SPIDR: variants seen among roughly 807,000 people sequenced by gnomAD.
SPIDR encodes the protein DNA repair-scaffolding protein.
A neutral mutation model predicts 104.6 loss-of-function variants in SPIDR; 93 were observed. The observed-to-expected ratio is 0.89, with a 90% CI of 0.75 to 1.06. The LOEUF is 1.06. Among genes scored for constraint, SPIDR ranks in the 50% least tolerant of loss-of-function variants. The pLI is 0.00. For missense variants in SPIDR, 1,154 were observed against 1,111.2 expected (o/e 1.04, Z -0.55); for synonymous variants, 431 against 416.9 (o/e 1.03, Z -0.41).
At chr8:47,310,014 G>A (rs587643033) in intron 5 of SPIDR, among the ~76,000 whole-genome samples, 66 of 149,632 alleles carry the variant, frequency 4.4e-4, no homozygotes, top group African/African-American at 1.6e-3. Flanking sequence ...ACTCCAGCCT[G>A]GGCGACAGAC....
intron 10 of SPIDR, among the ~76,000 whole-genome samples, chr8:47,671,223 A>G (rs1349190841): frequency 6.6e-6 from 1 of 152,100 alleles, no homozygotes; most frequent in Non-Finnish European, 1.5e-5. Flanking sequence ...AAATCATTTT[A>G]GTAATTAGTA....
chr8:47,512,755 T>G (rs1053199082), intron 8 of SPIDR, among the ~76,000 whole-genome samples: 1 of 152,208 alleles, frequency 6.6e-6, no homozygotes, highest in African/African-American at 2.4e-5. Flanking sequence ...AAAGGACAGT[T>G]TATAATCAAA....
At chr8:47,626,390 G>A (rs1216021442) in intron 10 of SPIDR, among the ~76,000 whole-genome samples, 4 of 152,136 alleles carry the variant, frequency 2.6e-5, no homozygotes, top group Non-Finnish European at 5.9e-5. Flanking sequence ...TAACAAATGG[G>A]ATCTAATTAA....
At chr8:47,640,189 A>G (rs1485913222) in intron 10 of SPIDR, among the ~76,000 whole-genome samples, 1 of 152,162 alleles carries the variant, frequency 6.6e-6, no homozygotes, top group Non-Finnish European at 1.5e-5. Context: ...CTGCAGAGCT[A>G]TTGGCCAACA....
chr8:47,595,354 G>A (rs1740633978), intron 8 of SPIDR, among the ~76,000 whole-genome samples: 1 of 152,156 alleles, frequency 6.6e-6, no homozygotes, highest in African/African-American at 2.4e-5. Context: ...TAAATGTGAG[G>A]TATTCAGCAA....
At chr8:47,432,387 G>C (rs773137743) in intron 7 of SPIDR, among the ~76,000 whole-genome samples, 1 of 152,180 alleles carries the variant, frequency 6.6e-6, no homozygotes, top group Non-Finnish European at 1.5e-5. Flanking sequence ...GTGCAGTTGA[G>C]ATGAAGGGGA....
chr8:47,522,172 C>CAAA (rs781613495), intron 8 of SPIDR, among the ~76,000 whole-genome samples: 1 of 65,630 alleles, frequency 1.5e-5, no homozygotes, highest in Non-Finnish European at 3.0e-5. Context: ...GAGTCTGTCT[C>CAAA]AAAAAAAAAA....
chr8:47,326,797 A>G (rs2047729760), intron 5 of SPIDR, among the ~76,000 whole-genome samples: 1 of 152,200 alleles, frequency 6.6e-6, no homozygotes, highest in Non-Finnish European at 1.5e-5. Context: ...ATTCCTTTTT[A>G]TAGCTGGATA....
At chr8:47,448,790 G>C (rs2071168967) in intron 8 of SPIDR, among the ~76,000 whole-genome samples, 1 of 152,062 alleles carries the variant, frequency 6.6e-6, no homozygotes, top group Admixed American at 6.6e-5. Context: ...AAGAAGCAGG[G>C]GAGGGACTAT....
intron 3 of SPIDR, among the ~76,000 whole-genome samples, chr8:47,286,970 G>C (rs886208138): frequency 2.6e-5 from 4 of 152,040 alleles, no homozygotes; most frequent in African/African-American, 4.8e-5. Flanking sequence ...ATATTTCAAC[G>C]TAGGTTCTTT....
At chr8:47,690,176 A>G (rs2078435600) in intron 11 of SPIDR, among the ~76,000 whole-genome samples, 1 of 152,100 alleles carries the variant, frequency 6.6e-6, no homozygotes, top group Non-Finnish European at 1.5e-5. Context: ...TTGGAATAAT[A>G]AGTACCACCA....
At chr8:47,382,440 A>G (rs937325689) in intron 5 of SPIDR, among the ~76,000 whole-genome samples, 9 of 152,104 alleles carry the variant, frequency 5.9e-5, no homozygotes, top group Non-Finnish European at 1.0e-4. Flanking sequence ...TTGAGATGGA[A>G]TCTCGCTCTG....
At chr8:47,363,858 C>A (rs1554632364) in intron 5 of SPIDR, among the ~76,000 whole-genome samples, 1 of 146,774 alleles carries the variant, frequency 6.8e-6, no homozygotes, top group South Asian at 2.1e-4. Context: ...TTTTTTTTCT[C>A]TCTCTGTCTC....
intron 5 of SPIDR, among the ~76,000 whole-genome samples, chr8:47,345,513 G>T (rs2051766503): frequency 6.6e-6 from 1 of 152,150 alleles, no homozygotes. Context: ...GTCATTGGTA[G>T]CTTGTTGGGG....
At chr8:47,469,935 C>A (rs539525182) in intron 8 of SPIDR, among the ~76,000 whole-genome samples, 2 of 152,136 alleles carry the variant, frequency 1.3e-5, no homozygotes, top group Non-Finnish European at 2.9e-5. Context: ...ATAAGGACAT[C>A]CCGTGTTCAT....
chr8:47,534,565 G>A (rs1732355484), intron 8 of SPIDR, among the ~76,000 whole-genome samples: 1 of 152,136 alleles, frequency 6.6e-6, no homozygotes, highest in African/African-American at 2.4e-5. Context: ...ACTTAAAAGT[G>A]GGAGCTAAAT....
chr8:47,329,894 T>C (rs181484715), intron 5 of SPIDR, among the ~76,000 whole-genome samples: 13 of 152,332 alleles, frequency 8.5e-5, no homozygotes, highest in Admixed American at 6.5e-4. Flanking sequence ...CTCACAGATA[T>C]ATGACATTTC....
At chr8:47,527,870 G>A (rs1011181249) in intron 8 of SPIDR, 1 of 152,176 alleles carries the variant, frequency 6.6e-6, no homozygotes, top group African/African-American at 2.4e-5. Context: ...TTGTTTTCTT[G>A]CTTTCCTAAA....
intron 10 of SPIDR, among the ~76,000 whole-genome samples, chr8:47,665,019 C>A (rs535094558): frequency 4.0e-5 from 6 of 151,696 alleles, no homozygotes; most frequent in African/African-American, 7.3e-5. Flanking sequence ...AATGAGAGTG[C>A]GAGAGAGAGA....
Sources: allele counts gnomAD v4.1 joint callset (sites outside exome capture counted in the v4.1 genomes callset), GRCh38; gene constraint gnomAD v4.1.1; transcripts MANE v1.5; gene names NCBI Gene and HGNC (gene_info 2026-07-23, HGNC 2026-07-21).